Variants in MAP2 observed in about 807,000 individuals in gnomAD.
MAP2 encodes the protein microtubule-associated protein 2.
In MAP2, 14 loss-of-function variants were observed where a neutral mutation model predicts 137.6. That is an observed-to-expected ratio of 0.10 (90% CI 0.07 to 0.16). MAP2 has a LOEUF of 0.16. MAP2 is among the 10% of genes least tolerant of loss of function. MAP2 has a pLI of 1.00. For synonymous variants in MAP2, 786 were observed against 782.3 expected, an observed-to-expected ratio of 1.00 and a Z score of -0.08; for missense variants, 2,088 against 2,191.5, an observed-to-expected ratio of 0.95 and a Z score of 0.94.
intron 3 of MAP2, among the ~76,000 whole-genome samples, chr2:209,613,143 A>G (rs903721259): frequency 1.3e-5 from 2 of 152,174 alleles, no homozygotes; most frequent in Non-Finnish European, 2.9e-5. Flanking sequence ...TGCTGTGCAT[A>G]GGGAAAGCAT....
intron 5 of MAP2, among the ~76,000 whole-genome samples, chr2:209,674,037 A>G (rs960279945): frequency 6.6e-6 from 1 of 151,836 alleles, no homozygotes; most frequent in African/African-American, 2.4e-5. Flanking sequence ...CTATGCATCC[A>G]GGAAACTGGG....
intron 3 of MAP2, among the ~76,000 whole-genome samples, chr2:209,581,498 C>T (rs908948012): frequency 6.6e-6 from 1 of 152,100 alleles, no homozygotes; most frequent in Non-Finnish European, 1.5e-5. Flanking sequence ...ATCCCCCAAA[C>T]AGGATTATTT....
intron 1 of MAP2, among the ~76,000 whole-genome samples, chr2:209,434,399 A>G (rs1172462630): frequency 2.0e-5 from 3 of 151,956 alleles, no homozygotes; most frequent in African/African-American, 7.2e-5. Flanking sequence ...TTTTTATTTT[A>G]TAATGGGGTA....
In MAP2 at chr2:209,591,466, T is replaced by C. The variant is rs192597811; in HGVS notation, c.-107+11366T>C. 1.5e-3 allele frequency among the ~76,000 whole-genome samples: 227 copies of C among 152,282 alleles called. 1 individual carries two copies. Among genetic ancestry groups the C allele is most frequent in the Non-Finnish European group, 2.6e-3 (178 of 68,032 alleles). On this transcript the variant is annotated intron_variant, in intron 3 of 15. Transcript: ENST00000682079. ...CTAAAAAAAATAAAAATGAGGACTT[T>C]TGTTTCCCCACCACAATTTTCCCAC...
intron 3 of MAP2, among the ~76,000 whole-genome samples, chr2:209,584,798 T>C (rs1254459704): frequency 6.6e-6 from 1 of 152,082 alleles, no homozygotes; most frequent in Non-Finnish European, 1.5e-5. Context: ...CTCAAGTTCA[T>C]ATACAGAGTA....
At chr2:209,535,042 G>A (rs575552489) in intron 2 of MAP2, among the ~76,000 whole-genome samples, 1 of 152,028 alleles carries the variant, frequency 6.6e-6, no homozygotes, top group Non-Finnish European at 1.5e-5. Context: ...AAATCCCATA[G>A]TGTCCTCTGG....
At chr2:209,490,121 A>G (rs2058891294) in intron 1 of MAP2, among the ~76,000 whole-genome samples, 1 of 152,210 alleles carries the variant, frequency 6.6e-6, no homozygotes, top group Non-Finnish European at 1.5e-5. Flanking sequence ...GGGGGAAAAT[A>G]TTCAACATTC....
intron 3 of MAP2, among the ~76,000 whole-genome samples, chr2:209,616,720 T>G (rs1037633291): frequency 6.6e-6 from 1 of 152,146 alleles, no homozygotes; most frequent in African/African-American, 2.4e-5. Context: ...GTATACACAT[T>G]AGTTGGGGTG....
chr2:209,497,860 T>G (rs2059935911), intron 1 of MAP2, among the ~76,000 whole-genome samples: 1 of 152,132 alleles, frequency 6.6e-6, no homozygotes, highest in Non-Finnish European at 1.5e-5. Flanking sequence ...CCTCCAGCAC[T>G]GGGGATTACA....
At chr2:209,476,971 G>A (rs1467559562) in intron 1 of MAP2, among the ~76,000 whole-genome samples, 1 of 152,132 alleles carries the variant, frequency 6.6e-6, no homozygotes, top group Non-Finnish European at 1.5e-5. Context: ...GATTGGCTGA[G>A]CTATTTTTCT....
chr2:209,718,394 T>C (rs1410464630), intron 13 of MAP2, among the ~76,000 whole-genome samples: 1 of 152,082 alleles, frequency 6.6e-6, no homozygotes, highest in Non-Finnish European at 1.5e-5. Flanking sequence ...CAAGAAAAAA[T>C]TTAATGTCAA....
chr2:209,453,667 A>G (rs1446041061), intron 1 of MAP2, among the ~76,000 whole-genome samples: 1 of 152,198 alleles, frequency 6.6e-6, no homozygotes, highest in Non-Finnish European at 1.5e-5. Context: ...TTAGTAACTA[A>G]AATTCTTGTT....
intron 13 of MAP2, among the ~76,000 whole-genome samples, chr2:209,718,093 G>A (rs1312370096): frequency 6.6e-6 from 1 of 152,142 alleles, no homozygotes; most frequent in Admixed American, 6.5e-5. Context: ...TCAGGACTCT[G>A]TCTTTATGCA....
Position 209,649,924 on chromosome 2 carries a change from A to G in MAP2, c.-29-3218A>G, listed in dbSNP as rs559577499. On this transcript the variant is annotated intron_variant, in intron 4 of 15. Coordinates refer to ENST00000682079, the MANE Select transcript of MAP2 (RefSeq NM_001375505.1). The stretch of plus-strand genomic sequence containing the variant: ...TTTTATTAACTAATTTTAAAAATTC[A>G]AAACTCTAAAGCATTAAATACTAAG... Among the ~76,000 whole-genome samples, 6 of 152,344 alleles carry G rather than the reference A, an allele frequency of 3.9e-5. No homozygotes were observed. In the South Asian group the frequency reaches 1.0e-3, roughly 26 times the overall value.
intron 1 of MAP2, among the ~76,000 whole-genome samples, chr2:209,501,053 A>AC: frequency 6.6e-6 from 1 of 151,136 alleles, no homozygotes; most frequent in South Asian, 2.1e-4. Flanking sequence ...AAAAAAAAAA[A>AC]GCCTACTCTA....
At chr2:209,517,821 A>G (rs1011242936) in intron 2 of MAP2, among the ~76,000 whole-genome samples, 1 of 151,878 alleles carries the variant, frequency 6.6e-6, no homozygotes, top group African/African-American at 2.4e-5. Flanking sequence ...AAAAGTATAT[A>G]CAAAGAAATA....
chr2:209,555,168 C>T (rs1288764510), intron 2 of MAP2, among the ~76,000 whole-genome samples: 3 of 151,708 alleles, frequency 2.0e-5, no homozygotes, highest in Non-Finnish European at 2.9e-5. Context: ...TTTTATAATC[C>T]TAGGTCTGAT....
intron 2 of MAP2, among the ~76,000 whole-genome samples, chr2:209,553,034 C>T (rs1361781731): frequency 4.0e-5 from 6 of 149,660 alleles, no homozygotes; most frequent in African/African-American, 7.4e-5. Context: ...TTTTTTGAGA[C>T]GGAGTCTCAC....
chr2:209,696,389 A>G, intron 8 of MAP2, 39 bp downstream of exon 8: 1 of 1,522,354 alleles, frequency 6.6e-7, no homozygotes, highest in Non-Finnish European at 8.8e-7. Flanking sequence ...CTCAAACACA[A>G]TAACCTTATG....
Sources: allele counts gnomAD v4.1 joint callset (sites outside exome capture counted in the v4.1 genomes callset), GRCh38; gene constraint gnomAD v4.1.1; transcripts MANE v1.5; gene names NCBI Gene and HGNC (gene_info 2026-07-23, HGNC 2026-07-21).